Variants in PMPCA observed in about 807,000 individuals in gnomAD.
PMPCA encodes the protein peptidase, mitochondrial processing subunit alpha.
Under a neutral mutation model 59.3 loss-of-function variants are expected in PMPCA, and 47 were observed. The observed-to-expected ratio is 0.79, with a 90% CI of 0.63 to 1.01. PMPCA has a LOEUF of 1.01. Among genes scored for constraint, PMPCA ranks in the 50% least tolerant of loss-of-function variants. The probability of loss-of-function intolerance (pLI) is 0.00; values close to 1 mark genes in which losing one functional copy is unlikely to be tolerated. For missense variants in PMPCA, 726 were observed against 704.5 expected (o/e 1.03, Z -0.34); for synonymous variants, 338 against 290.3 (o/e 1.16, Z -1.67).
intron 11 of PMPCA, chr9:136,419,475 CTG>C: frequency 2.6e-6 from 1 of 391,486 alleles, no homozygotes; most frequent in Non-Finnish European, 4.8e-6. Context: ...TCAGCCGCCT[CTG>C]TGAGGTGACT....
Position 136,423,377 on chromosome 9 carries a change from A to G in PMPCA, c.*113A>G. The G allele has an allele frequency of 1.8e-6, 2 of 1,118,326 alleles. No individual in the cohort carries two copies. Among genetic ancestry groups the G allele is most frequent in the Non-Finnish European group, 2.5e-6 (2 of 798,718 alleles). 69.3% of individuals were successfully genotyped at this position (1,118,326 alleles called of 1,614,324 possible). On this transcript the variant is annotated 3_prime_UTR_variant, in exon 13 of 13. Transcript: ENST00000371717. ...AGCTGTCTGGTTGTATAAACGGTGC[A>G]AACAATGTCGCCACAGCACCCACGC... is the stretch of plus-strand genomic sequence containing the variant.
In PMPCA at chr9:136,419,464, C is replaced by T. The variant is rs1350733320; in HGVS notation, c.1263+358C>T. ...ACGCTGCAGGAGTTTTTGTGTCCTT[C>T]TCAGCCGCCTCTGTGAGGTGACTGG... On this transcript the variant is annotated intron_variant, in intron 11 of 12. Coordinates refer to ENST00000371717, the MANE Select transcript of PMPCA (RefSeq NM_015160.3). 7.3e-6 allele frequency: 3 copies of T among 410,818 alleles called. No individual in the cohort carries two copies. In the East Asian group the frequency reaches 1.5e-4, roughly 20 times the overall value. 25.4% of individuals were successfully genotyped at this position (410,818 alleles called of 1,614,324 possible).
At chr9:136,416,511 A>G (rs1216734908) in intron 6 of PMPCA, 120 bp downstream of exon 6, 1 of 763,978 alleles carries the variant, frequency 1.3e-6, no homozygotes, top group Non-Finnish European at 2.3e-6. Context: ...TATACAGAAC[A>G]TTTTTTTGTT....
At position 136,410,686 on chromosome 9, in the gene PMPCA, G is replaced by A; in HGVS notation, c.18G>A (p.Leu6=). The change falls in exon 1 of 13, where the codon CTG becomes CTA. Residue 6 remains leucine (L), a synonymous_variant. Coordinates refer to ENST00000371717, the MANE Select transcript of PMPCA (RefSeq NM_015160.3). MAAVV[L]AATRLLRGSG... ...GACGCAAGATGGCGGCTGTGGTGCTGGCGGCGACGCGGTTGCTGCGGGGCT... is the reference window on the plus strand; with the variant it reads ...GACGCAAGATGGCGGCTGTGGTGCTAGCGGCGACGCGGTTGCTGCGGGGCT... 3 of 1,417,576 alleles carry A rather than the reference G, an allele frequency of 2.1e-6. No homozygotes were observed. Among genetic ancestry groups the A allele is most frequent in the Non-Finnish European group, 2.8e-6 (3 of 1,087,374 alleles). The allele number at this position is 1,417,576 out of a possible 1,614,324, so 87.8% of individuals were successfully genotyped here.
In PMPCA at chr9:136,423,357, T is replaced by G; in HGVS notation, c.*93T>G. Reference sequence around the variant, plus strand: ...GACACGAATTTAGTCTAAAAAGCTGTCTGGTTGTATAAACGGTGCAAACAA... The same window carrying G: ...GACACGAATTTAGTCTAAAAAGCTGGCTGGTTGTATAAACGGTGCAAACAA... On this transcript the variant is annotated 3_prime_UTR_variant, in exon 13 of 13. Coordinates refer to ENST00000371717, the MANE Select transcript of PMPCA (RefSeq NM_015160.3). The G allele has an allele frequency of 3.8e-6, 5 of 1,325,390 alleles. No individual in the cohort carries two copies. Among genetic ancestry groups the G allele is most frequent in the Non-Finnish European group, 5.1e-6 (5 of 974,754 alleles). 82.1% of individuals were successfully genotyped at this position (1,325,390 alleles called of 1,614,324 possible). A position where few individuals can be genotyped will look rare whatever the true frequency, so the allele number is the denominator to read the frequency against.
chr9:136,419,136 G>A lies in PMPCA; in HGVS notation c.1263+30G>A, dbSNP rs541764942. 6.2e-5 allele frequency: 98 copies of A among 1,589,644 alleles called. No homozygotes were observed. The East Asian group carries it at 2.0e-3, about 32-fold the overall frequency. ...GTGCAGTGTGGCGCCATTTCCAGGC[G>A]TACCTGTGGTGTCTGACAGGAGACA... On this transcript the variant is annotated intron_variant, in intron 11 of 12. Coordinates refer to ENST00000371717, the MANE Select transcript of PMPCA (RefSeq NM_015160.3).
rs780572652 is a variant in PMPCA, at chr9:136,417,158, G to A, written c.841G>A (p.Ala281Thr). ...LLGVQPAWGS[A>T]EAVDIDRSVA... is the part of the protein sequence containing the mutation. ...GGGGGTCCAGCCGGCCTGGGGGAGC[G>A]CAGAGGCCGTGGATATTGACAGATC... The change falls in exon 7 of 13, where the codon GCA (alanine) becomes ACA (threonine). Residue 281 changes from alanine to threonine, a missense_variant. Physicochemically the swap from Ala to Thr is moderately conservative, Grantham distance 58. Coordinates refer to ENST00000371717, the MANE Select transcript of PMPCA (RefSeq NM_015160.3). 17 of 1,611,442 alleles carry A rather than the reference G, an allele frequency of 1.1e-5. No homozygotes were observed. Among genetic ancestry groups the A allele is most frequent in the African/African-American group, 5.3e-5 (4 of 74,920 alleles).
intron 3 of PMPCA, 81 bp from the exon 4 acceptor site, chr9:136,412,729 C>T: frequency 1.1e-6 from 1 of 926,014 alleles, no homozygotes; most frequent in Non-Finnish European, 1.7e-6. Context: ...GTGTTAAAAG[C>T]AAAAGTAGAT....
rs756881771 is a variant in PMPCA at position 136,423,174 on chromosome 9, CCTGA to C, written c.1494_1497del (p.Asp499CysfsTer55). On this transcript the variant is annotated frameshift_variant, in exon 13 of 13. Transcript: ENST00000371717. LOFTEE classifies it high-confidence loss of function. ...AGCCGGCAGTGGCCGCCCTGGGTGA[CCTGA>C]CTGACCTGCCCACGTATGAGCACAT... 5 of 1,613,806 alleles carry C rather than the reference CCTGA, an allele frequency of 3.1e-6. No homozygotes were observed. The highest frequency in any genetic ancestry group is 1.3e-5 in the African/African-American group (1 of 75,064).
At chr9:136,419,149 C>CTGACA (rs1554790383) in intron 11 of PMPCA, 43 bp downstream of exon 11, 1 of 1,547,454 alleles carries the variant, frequency 6.5e-7, no homozygotes, top group South Asian at 1.1e-5. Flanking sequence ...CCTGTGGTGT[C>CTGACA]TGACAGGAGA....
intron 11 of PMPCA, chr9:136,419,523 G>C (rs1233706972): frequency 3.4e-6 from 1 of 293,456 alleles, no homozygotes; most frequent in African/African-American, 2.1e-5. Context: ...GCTGCAGCGT[G>C]GGGTGTCTCG....
At position 136,418,598 on chromosome 9, in the gene PMPCA, G is replaced by A. The variant is rs567377477; in HGVS notation, c.1034G>A (p.Gly345Asp). 4.3e-6 allele frequency: 7 copies of A among 1,613,922 alleles called. No homozygotes were observed. In the African/African-American group the frequency reaches 5.3e-5, roughly 12 times the overall value. The change falls in exon 9 of 13, where the codon GGC becomes GAC. Residue 345 changes from glycine to aspartate, a missense_variant. Coordinates refer to ENST00000371717, the MANE Select transcript of PMPCA (RefSeq NM_015160.3). ...IPFAVLNMMM[G>D]GGGSFSAGGP... ...TTTGCAGTGTTGAACATGATGATGG[G>A]CGGAGGTGGCTCCTTCTCGGCTGGT...
Position 136,423,210 on chromosome 9 carries a change from C to G in PMPCA, c.1524C>G (p.Thr508=). ...TGCCCACGTATGAGCACATCCAGAC[C>G]GCCCTGTCGAGTAAGGACGGGCGCC... The part of the protein sequence containing the change: ...TDLPTYEHIQ[T]ALSSKDGRLP... The change falls in exon 13 of 13, where the codon ACC becomes ACG. Residue 508 remains threonine (T), a synonymous_variant. Transcript: ENST00000371717. The G allele has an allele frequency of 1.2e-6, 2 of 1,613,672 alleles. No individual in the cohort carries two copies. The highest frequency in any genetic ancestry group is 1.7e-6 in the Non-Finnish European group (2 of 1,180,030).
intron 11 of PMPCA, 142 bp from the exon 12 acceptor site, chr9:136,421,690 G>A: frequency 5.7e-6 from 4 of 707,562 alleles, no homozygotes; most frequent in Non-Finnish European, 9.4e-6. Context: ...GGGATTACAG[G>A]CGGGAGCCAC....
chr9:136,416,816 C>A, intron 6 of PMPCA, 135 bp from the exon 7 acceptor site: 1 of 721,840 alleles, frequency 1.4e-6, no homozygotes, highest in Non-Finnish European at 2.3e-6. Flanking sequence ...GCTGCTATTG[C>A]CAGAGTGCAA....
chr9:136,419,123 G>C lies in PMPCA; in HGVS notation c.1263+17G>C, dbSNP rs754295997. On this transcript the variant is annotated intron_variant, in intron 11 of 12. Coordinates refer to ENST00000371717, the MANE Select transcript of PMPCA (RefSeq NM_015160.3). ...GTGGACACGGTAAGTGCAGTGTGGC[G>C]CCATTTCCAGGCGTACCTGTGGTGT... is the stretch of plus-strand genomic sequence containing the variant. 1.9e-6 allele frequency: 3 copies of C among 1,606,098 alleles called. No individual in the cohort carries two copies. The South Asian group carries it at 3.3e-5, about 18-fold the overall frequency.
chr9:136,414,028 C>T lies in PMPCA; in HGVS notation c.438-525C>T, dbSNP rs532946039. The stretch of plus-strand genomic sequence containing the variant: ...CTTCTGACTGTGCAGTGCCTCATGC[C>T]GGGAACAGATGTTACAGTGAGACAA... On this transcript the variant is annotated intron_variant, in intron 4 of 12. Coordinates refer to ENST00000371717, the MANE Select transcript of PMPCA (RefSeq NM_015160.3). 9.2e-5 allele frequency among the ~76,000 whole-genome samples: 14 copies of T among 152,296 alleles called. No homozygotes were observed. In the East Asian group the frequency reaches 1.3e-3, roughly 15 times the overall value.
intron 11 of PMPCA, chr9:136,420,991 C>T (rs987369119): frequency 2.0e-5 from 3 of 152,056 alleles, no homozygotes; most frequent in Non-Finnish European, 4.4e-5. Context: ...GTTTGTTTTT[C>T]AGTATGCTGG....
intron 4 of PMPCA, 28 bp downstream of exon 4, chr9:136,412,920 C>T: frequency 7.6e-7 from 1 of 1,317,770 alleles, no homozygotes; most frequent in Middle Eastern, 1.8e-4. Context: ...TACAAACTGA[C>T]TTTGGGTCCT....
Sources: allele counts gnomAD v4.1 joint callset (sites outside exome capture counted in the v4.1 genomes callset), GRCh38; gene constraint gnomAD v4.1.1; transcripts MANE v1.5; gene names NCBI Gene and HGNC (gene_info 2026-07-23, HGNC 2026-07-21).